Variants in ENPP4 observed in about 807,000 individuals in gnomAD.
ENPP4 encodes the protein ectonucleotide pyrophosphatase/phosphodiesterase 4.
ENPP4 carries 18 observed loss-of-function variants against 33.4 expected under a neutral mutation model. The ratio of observed to expected loss-of-function variants is 0.54; its 90% CI spans 0.37 to 0.80. The LOEUF is 0.80. Among genes scored for constraint, ENPP4 ranks in the 30% least tolerant of loss-of-function variants. The pLI is 0.00. For synonymous variants in ENPP4, 172 were observed against 189.9 expected (o/e 0.91, Z 0.78); for missense variants, 480 against 541.7 (o/e 0.89, Z 1.13).
Position 46,139,915 on chromosome 6 carries a change from T to C in ENPP4, c.332T>C (p.Phe111Ser). The C allele has an allele frequency of 6.2e-7, 1 of 1,612,880 alleles. No individual in the cohort carries two copies. The highest frequency in any genetic ancestry group is 8.5e-7 in the Non-Finnish European group (1 of 1,179,168). ...HFSDSNDKDP[F>S]WWNEAVPIWV... is the part of the protein sequence containing the mutation. ...TCTGACTCTAATGACAAGGATCCTT[T>C]TTGGTGGAATGAGGCAGTACCTATT... is the stretch of plus-strand genomic sequence containing the variant. Residue 111 changes from phenylalanine (F) to serine (S), a missense_variant, in exon 2 of 4, where the codon TTT becomes TCT. Physicochemically the swap from Phe to Ser is radical, Grantham distance 155. Around this residue, in one of 3 missense-constraint regions of ENPP4, gnomAD observed 227 missense variants for 273.7 expected, o/e 0.83. Transcript: ENST00000321037.
intron 1 of ENPP4, among the ~76,000 whole-genome samples, chr6:46,133,086 T>C (rs1301783947): frequency 6.6e-6 from 1 of 152,188 alleles, no homozygotes; most frequent in Non-Finnish European, 1.5e-5. Flanking sequence ...TACAATCATG[T>C]CGTCTGCAAA....
chr6:46,139,438 A>G, intron 1 of ENPP4, 113 bp from the exon 2 acceptor site: 1 of 573,716 alleles, frequency 1.7e-6, no homozygotes, highest in Non-Finnish European at 3.1e-6. Context: ...TTAAGTTAAT[A>G]TAGGTAAAGC....
chr6:46,132,047 G>C (rs1458723396), intron 1 of ENPP4, among the ~76,000 whole-genome samples: 3 of 152,142 alleles, frequency 2.0e-5, no homozygotes, highest in African/African-American at 4.8e-5. Context: ...GTAGATTCTG[G>C]ATATTAGCCC....
In ENPP4 at chr6:46,141,179, C is replaced by A. The variant is rs9472696; in HGVS notation, c.954C>A (p.Ala318=). ...NDRIQPIILV[A]DEGWTIVLNE... ...GAATTCAGCCCATTATTTTGGTTGC[C>A]GATGAAGGCTGGACAATTGTGCTAA... Residue 318 remains alanine, a synonymous_variant, in exon 3 of 4, where the codon GCC becomes GCA. Transcript: ENST00000321037. The A allele has an allele frequency of 1.2e-6, 2 of 1,608,768 alleles. No homozygotes were observed. Among genetic ancestry groups the A allele is most frequent in the East Asian group, 2.2e-5 (1 of 44,706 alleles).
chr6:46,137,629 T>C (rs1208740643), intron 1 of ENPP4, among the ~76,000 whole-genome samples: 1 of 151,946 alleles, frequency 6.6e-6, no homozygotes, highest in Non-Finnish European at 1.5e-5. Context: ...GGGCTGTGTC[T>C]GTGGAAATAC....
intron 1 of ENPP4, among the ~76,000 whole-genome samples, chr6:46,131,438 C>T (rs1418088287): frequency 6.6e-6 from 1 of 151,822 alleles, no homozygotes; most frequent in Non-Finnish European, 1.5e-5. Context: ...CGATAGTTTA[C>T]TGAGAATGGA....
At chr6:46,140,968 T>C (rs1250529504) in intron 2 of ENPP4, 84 bp from the exon 3 acceptor site, 17 of 822,596 alleles carry the variant, frequency 2.1e-5, no homozygotes, top group Non-Finnish European at 2.6e-5. Context: ...TTATCTATAA[T>C]TTACTTCCAA....
rs1190781197 is a variant in ENPP4, at chr6:46,139,326, C to T, written c.-33-225C>T. ...ATTGATGTGGAGTATAAAAATGGCCCATATGAAGGATAGAGTAGGGCATAT... is the reference window on the plus strand; with the variant it reads ...ATTGATGTGGAGTATAAAAATGGCCTATATGAAGGATAGAGTAGGGCATAT... On this transcript the variant is annotated intron_variant, in intron 1 of 3. Transcript: ENST00000321037. 2.0e-5 allele frequency among the ~76,000 whole-genome samples: 3 copies of T among 151,460 alleles called. No homozygotes were observed. The East Asian group carries it at 5.8e-4, about 29-fold the overall frequency.
At chr6:46,135,301 G>C (rs1763961002) in intron 1 of ENPP4, among the ~76,000 whole-genome samples, 1 of 152,056 alleles carries the variant, frequency 6.6e-6, no homozygotes, top group African/African-American at 2.4e-5. Flanking sequence ...TCCAGTAGCA[G>C]TTTATAAAGG....
Position 46,140,019 on chromosome 6 carries a change from A to G in ENPP4, c.436A>G (p.Thr146Ala), listed in dbSNP as rs755321636. ...TGGTACTGATGTACCCATTCACGAT[A>G]CCATCTCTTCCTATTTTATGAATTA... ...WPGTDVPIHD[T>A]ISSYFMNYNS... is the part of the protein sequence containing the mutation. The change falls in exon 2 of 4, where the codon ACC becomes GCC. Residue 146 changes from threonine to alanine, a missense_variant. This residue lies in a region of ENPP4 where 227 missense variants were observed against 273.7 expected (regional missense o/e 0.83). Transcript: ENST00000321037. 1 of 1,612,714 alleles carries G rather than the reference A, an allele frequency of 6.2e-7. No individual in the cohort carries two copies. Among genetic ancestry groups the G allele is most frequent in the South Asian group, 1.1e-5 (1 of 91,052 alleles).
rs74702474 is a variant in ENPP4, at chr6:46,139,426, A to G, written c.-33-125A>G. ...TAGTTATTTTTAAATAAATGGTATT[A>G]TTTAAGTTAATATAGGTAAAGCTGG... On this transcript the variant is annotated intron_variant, in intron 1 of 3. Transcript: ENST00000321037. 1,020 of 554,404 alleles carry G rather than the reference A, an allele frequency of 1.8e-3. 14 individuals carry two copies. Among genetic ancestry groups the G allele is most frequent in the African/African-American group, 0.018 (927 of 52,124 alleles). The allele number at this position is 554,404 out of a possible 1,614,324, so 34.3% of individuals were successfully genotyped here.
rs1192606557 is a variant in ENPP4 at position 46,143,863 on chromosome 6, T to C, written c.*223T>C. The C allele has an allele frequency of 2.3e-6, 1 of 441,024 alleles. No homozygotes were observed. Among genetic ancestry groups the C allele is most frequent in the Non-Finnish European group, 4.0e-6 (1 of 249,804 alleles). 27.3% of individuals were successfully genotyped at this position (441,024 alleles called of 1,614,324 possible). On this transcript the variant is annotated 3_prime_UTR_variant, in exon 4 of 4. Coordinates refer to ENST00000321037, the MANE Select transcript of ENPP4 (RefSeq NM_014936.5). ...ATTGTTAGTAAATCATTAGGTAACA[T>C]CTTGTGGTAGGAAATCATTAGGTAA... is the stretch of plus-strand genomic sequence containing the variant.
chr6:46,132,328 T>C (rs1048490534), intron 1 of ENPP4, among the ~76,000 whole-genome samples: 6 of 152,228 alleles, frequency 3.9e-5, no homozygotes, highest in African/African-American at 1.4e-4. Context: ...AATTGATTGT[T>C]GTATAAGGTG....
In ENPP4 at chr6:46,138,694, A is replaced by G. The variant is rs140937381; in HGVS notation, c.-33-857A>G. 9.1e-4 allele frequency among the ~76,000 whole-genome samples: 138 copies of G among 151,948 alleles called. 1 individual carries two copies. In the East Asian group the frequency reaches 0.025, roughly 28 times the overall value. The stretch of plus-strand genomic sequence containing the variant: ...AAGTGAATCATTTTACCTCACTCAC[A>G]TGTCCTATTTTCTTAGAGACCAAAG... On this transcript the variant is annotated intron_variant, in intron 1 of 3. Transcript: ENST00000321037.
At position 46,140,151 on chromosome 6, in the gene ENPP4, G is replaced by A. The variant is rs1156387006; in HGVS notation, c.568G>A (p.Ala190Thr). 3.1e-6 allele frequency: 5 copies of A among 1,612,522 alleles called. No homozygotes were observed. The highest frequency in any genetic ancestry group is 4.2e-6 in the Non-Finnish European group (5 of 1,179,070). Residue 190 changes from alanine to threonine, a missense_variant, in exon 2 of 4, where the codon GCA (alanine) becomes ACA (threonine). Physicochemically the swap from Ala to Thr is moderately conservative, Grantham distance 58 (BLOSUM62 0). Around this residue, in one of 3 missense-constraint regions of ENPP4, gnomAD observed 227 missense variants for 273.7 expected, o/e 0.83. Coordinates refer to ENST00000321037, the MANE Select transcript of ENPP4 (RefSeq NM_014936.5). ...FATLYWEEPD[A>T]SGHKYGPEDK... ...AACACTATATTGGGAAGAACCAGAT[G>A]CAAGTGGCCACAAATACGGACCTGA...
intron 1 of ENPP4, among the ~76,000 whole-genome samples, chr6:46,132,926 G>A (rs1248558496): frequency 6.6e-6 from 1 of 151,844 alleles, no homozygotes; most frequent in Non-Finnish European, 1.5e-5. Context: ...ATTGTGAATG[G>A]GAGTTCACTC....
chr6:46,136,634 C>A (rs1296403404), intron 1 of ENPP4, among the ~76,000 whole-genome samples: 1 of 151,796 alleles, frequency 6.6e-6, no homozygotes, highest in African/African-American at 2.4e-5. Context: ...GAGACTGAGG[C>A]ATTTGGGCTT....
chr6:46,139,527 A>C (rs1347559504), intron 1 of ENPP4, 24 bp from the exon 2 acceptor site: 1 of 910,200 alleles, frequency 1.1e-6, no homozygotes, highest in African/African-American at 1.7e-5. Context: ...ATTACTACTT[A>C]TGAGTTGTGT....
chr6:46,140,355 T>G lies in ENPP4; in HGVS notation c.772T>G (p.Ser258Ala). 2 of 1,608,974 alleles carry G rather than the reference T, an allele frequency of 1.2e-6. No individual in the cohort carries two copies. The highest frequency in any genetic ancestry group is 8.5e-7 in the Non-Finnish European group (1 of 1,177,916). The change falls in exon 2 of 4, where the codon TCA (serine) becomes GCA (alanine). Residue 258 changes from serine to alanine, a missense_variant. Ser to Ala is a moderately conservative substitution (Grantham distance 99). Around this residue, in one of 3 missense-constraint regions of ENPP4, gnomAD observed 249 missense variants for 251.8 expected, o/e 0.99. Transcript: ENST00000321037. ...AAACCTGGATTCCTGCATCGATCATTCATACTACACTCTTATAGATTTGAG... is the reference window on the plus strand; with the variant it reads ...AAACCTGGATTCCTGCATCGATCATGCATACTACACTCTTATAGATTTGAG... ...LINLDSCIDH[S>A]YYTLIDLSPV...
Sources: allele counts gnomAD v4.1 joint callset (sites outside exome capture counted in the v4.1 genomes callset), GRCh38; gene constraint gnomAD v4.1.1; regional missense constraint gnomAD v4.1.1; transcripts MANE v1.5; gene names NCBI Gene and HGNC (gene_info 2026-07-23, HGNC 2026-07-21).